NTAN1: variants seen among roughly 807,000 people sequenced by gnomAD.
NTAN1 encodes the protein N-terminal asparagine amidase.
In NTAN1, 32 loss-of-function variants were observed where a neutral mutation model predicts 41.9. The observed-to-expected ratio is 0.76, with a 90% confidence interval of 0.58 to 1.03. NTAN1 has a LOEUF of 1.03. Ranked by LOEUF, NTAN1 falls within the 50% of genes least tolerant of loss-of-function variation. NTAN1 has a pLI of 0.00. For synonymous variants in NTAN1, 140 were observed against 139.5 expected (o/e 1.00, Z -0.03); for missense variants, 377 against 377.5 (o/e 1.00, Z 0.01).
intron 3 of NTAN1, 114 bp downstream of exon 3, chr16:15,047,741 A>G: frequency 4.0e-6 from 4 of 989,830 alleles, no homozygotes; most frequent in South Asian, 2.6e-5. Flanking sequence ...ACCAGAAAAA[A>G]GGTAAGCGGA....
At chr16:15,052,154 C>G (rs528923816) in intron 1 of NTAN1, among the ~76,000 whole-genome samples, 4 of 152,298 alleles carry the variant, frequency 2.6e-5, no homozygotes, top group Admixed American at 2.6e-4. Flanking sequence ...AGGCCGCAGT[C>G]TCTGTCACAA....
At chr16:15,044,155 CAT>C (rs974058323) in intron 5 of NTAN1, among the ~76,000 whole-genome samples, 177 bp downstream of exon 5, 14 of 152,288 alleles carry the variant, frequency 9.2e-5, no homozygotes, top group Non-Finnish European at 1.8e-4. Flanking sequence ...CCTCCCTACA[CAT>C]GAGCTCCACG....
intron 7 of NTAN1, 85 bp from the exon 8 acceptor site, chr16:15,040,151 T>G: frequency 1.4e-6 from 1 of 720,714 alleles, no homozygotes; most frequent in Non-Finnish European, 2.4e-6. Flanking sequence ...CCACCACTCC[T>G]AAGAGAAAGA....
intron 5 of NTAN1, among the ~76,000 whole-genome samples, 184 bp from the exon 6 acceptor site, chr16:15,041,860 C>T (rs2043829807): frequency 6.6e-6 from 1 of 152,222 alleles, no homozygotes; most frequent in Non-Finnish European, 1.5e-5. Flanking sequence ...CACCACAGAA[C>T]CCTGACCGCC....
At chr16:15,052,605 G>C (rs903292434) in intron 1 of NTAN1, among the ~76,000 whole-genome samples, 2 of 152,168 alleles carry the variant, frequency 1.3e-5, no homozygotes, top group African/African-American at 2.4e-5. Flanking sequence ...AGGCCGAGGC[G>C]AGATGATCGC....
chr16:15,053,414 C>G (rs74958422), intron 1 of NTAN1, among the ~76,000 whole-genome samples: 5 of 152,228 alleles, frequency 3.3e-5, no homozygotes, highest in Admixed American at 2.0e-4. Context: ...GTACTCCATA[C>G]TCAGAACACA....
intron 5 of NTAN1, among the ~76,000 whole-genome samples, chr16:15,043,616 A>C (rs1046442266): frequency 7.3e-6 from 1 of 137,522 alleles, no homozygotes; most frequent in African/African-American, 2.5e-5. Flanking sequence ...GTGGTTAGTC[A>C]ACACACGACA....
rs2044500818 is a variant in NTAN1, at chr16:15,056,002, G to A, written c.-31C>T. 14 of 1,169,330 alleles carry A rather than the reference G, an allele frequency of 1.2e-5. No individual in the cohort carries two copies. The highest frequency in any genetic ancestry group is 1.5e-5 in the Non-Finnish European group (14 of 940,616). The allele number at this position is 1,169,330 out of a possible 1,614,324, so 72.4% of individuals were successfully genotyped here. On this transcript the variant is annotated 5_prime_UTR_variant, in exon 1 of 10. Coordinates refer to ENST00000287706, the MANE Select transcript of NTAN1 (RefSeq NM_173474.4). Reference sequence around the variant, plus strand: ...AGGCGGCCGCCCAGGCAGGCCCAGGGAGGCGGCGGCCCCCCGCTTTGCAGC... The same window carrying A: ...AGGCGGCCGCCCAGGCAGGCCCAGGAAGGCGGCGGCCCCCCGCTTTGCAGC...
At chr16:15,039,352 G>T (rs973895992) in intron 8 of NTAN1, among the ~76,000 whole-genome samples, 1 of 152,168 alleles carries the variant, frequency 6.6e-6, no homozygotes, top group South Asian at 2.1e-4. Context: ...TTTCATAAAT[G>T]AGAAGATTTC....
chr16:15,052,691 G>A (rs927425514), intron 1 of NTAN1, among the ~76,000 whole-genome samples: 14 of 152,050 alleles, frequency 9.2e-5, no homozygotes, highest in Non-Finnish European at 8.8e-5. Flanking sequence ...AAAATTAGCC[G>A]GGCATGGTGG....
At chr16:15,039,518 C>T (rs746320099) in intron 8 of NTAN1, among the ~76,000 whole-genome samples, 11 of 152,150 alleles carry the variant, frequency 7.2e-5, no homozygotes, top group Admixed American at 7.2e-4. Context: ...CTAAGGGAAT[C>T]AGACTTTAAA....
intron 6 of NTAN1, 121 bp downstream of exon 6, chr16:15,041,502 G>A (rs577993387): frequency 3.3e-5 from 26 of 780,566 alleles, no homozygotes; most frequent in South Asian, 2.3e-4. Context: ...AGGAAGAGCC[G>A]GAACAGATGG....
intron 1 of NTAN1, among the ~76,000 whole-genome samples, chr16:15,055,256 A>G (rs1483245302): frequency 6.6e-6 from 1 of 152,214 alleles, no homozygotes; most frequent in Non-Finnish European, 1.5e-5. Context: ...TCAGAGATCT[A>G]TTTGAGCACA....
chr16:15,053,555 C>CT (rs1311202901), intron 1 of NTAN1, among the ~76,000 whole-genome samples: 3 of 152,052 alleles, frequency 2.0e-5, no homozygotes, highest in South Asian at 2.1e-4. Context: ...TGTAGTCATA[C>CT]TTTTTTTTCT....
intron 1 of NTAN1, among the ~76,000 whole-genome samples, chr16:15,055,061 T>C (rs1458812746): frequency 6.6e-6 from 1 of 152,108 alleles, no homozygotes; most frequent in African/African-American, 2.4e-5. Flanking sequence ...GCAGGGACAG[T>C]GATCAGTACG....
intron 1 of NTAN1, among the ~76,000 whole-genome samples, chr16:15,054,951 G>A (rs1249260387): frequency 6.6e-6 from 1 of 152,162 alleles, no homozygotes; most frequent in East Asian, 1.9e-4. Context: ...ATCTCAGAGT[G>A]AAAGGGGACG....
At chr16:15,053,191 G>C (rs1322204083) in intron 1 of NTAN1, among the ~76,000 whole-genome samples, 1 of 152,240 alleles carries the variant, frequency 6.6e-6, no homozygotes, top group Admixed American at 6.5e-5. Flanking sequence ...CGCAGCTCCA[G>C]AGTCAAGGGC....
intron 1 of NTAN1, among the ~76,000 whole-genome samples, chr16:15,053,012 T>C (rs1006008223): frequency 3.9e-5 from 6 of 152,180 alleles, no homozygotes; most frequent in African/African-American, 1.4e-4. Flanking sequence ...CATGCTGGGA[T>C]GGCCACCGTC....
intron 8 of NTAN1, 147 bp downstream of exon 8, chr16:15,039,822 G>A (rs1434120260): frequency 5.0e-6 from 3 of 602,042 alleles, no homozygotes; most frequent in South Asian, 4.3e-5. Flanking sequence ...AGTGTGGGGA[G>A]GGGTATATGT....
Sources: allele counts gnomAD v4.1 joint callset (sites outside exome capture counted in the v4.1 genomes callset), GRCh38; gene constraint gnomAD v4.1.1; transcripts MANE v1.5; gene names NCBI Gene and HGNC (gene_info 2026-07-23, HGNC 2026-07-21).